NF1: variants seen among roughly 807,000 people sequenced by gnomAD.
The protein encoded by NF1 is neurofibromin.
A neutral mutation model predicts 325.7 loss-of-function variants in NF1; 122 were observed. That is an observed-to-expected ratio of 0.37 (90% CI 0.32 to 0.44). The LOEUF is 0.44. Ranked by LOEUF, NF1 falls within the 20% of genes least tolerant of loss-of-function variation. NF1 has a pLI of 1.00. For missense variants in NF1, 2,140 were observed against 3,415.4 expected, an observed-to-expected ratio of 0.63 and a Z score of 9.31; for synonymous variants, 1,091 against 1,186.0, an observed-to-expected ratio of 0.92 and a Z score of 1.65.
chr17:31,149,415 C>T (rs553743765), intron 1 of NF1, among the ~76,000 whole-genome samples: 1 of 152,246 alleles, frequency 6.6e-6, no homozygotes, highest in African/African-American at 2.4e-5. Context: ...TATCATGCCT[C>T]AGCCTCCCAA....
intron 36 of NF1, among the ~76,000 whole-genome samples, chr17:31,302,465 A>G (rs752677609): frequency 6.6e-6 from 1 of 152,178 alleles, no homozygotes; most frequent in African/African-American, 2.4e-5. Context: ...TATCTTATTT[A>G]CCATAACAAA....
At chr17:31,257,949 C>T (rs955455494) in intron 31 of NF1, among the ~76,000 whole-genome samples, 4 of 152,034 alleles carry the variant, frequency 2.6e-5, no homozygotes, top group African/African-American at 9.7e-5. Context: ...TTTAGTTTCA[C>T]GTTATAAAGT....
intron 36 of NF1, among the ~76,000 whole-genome samples, chr17:31,290,724 G>T (rs1224046618): frequency 6.6e-6 from 1 of 152,020 alleles, no homozygotes; most frequent in Non-Finnish European, 1.5e-5. Flanking sequence ...AGCTAATATC[G>T]GCCGGGCACG....
rs778635411 is a variant in NF1, at chr17:31,260,356, T to G, written c.4431-13T>G. The G allele has an allele frequency of 5.0e-6, 8 of 1,613,306 alleles. No homozygotes were observed. In the South Asian group the frequency reaches 8.8e-5, roughly 18 times the overall value. ...CTGGTGTTGAAAATTCTAATGACTT[T>G]GCATTTTTGAAGGTTTTTCCTTGAT... On this transcript the variant is annotated splice_polypyrimidine_tract_variant and intron_variant, in intron 33 of 57. Coordinates refer to ENST00000358273, the MANE Select transcript of NF1 (RefSeq NM_001042492.3).
At chr17:31,327,149 A>G (rs551800754) in intron 37 of NF1, among the ~76,000 whole-genome samples, 1 of 152,166 alleles carries the variant, frequency 6.6e-6, no homozygotes, top group East Asian at 1.9e-4. Flanking sequence ...TTGTAGGTTT[A>G]GTAGAGACAA....
chr17:31,281,621 CTT>C (rs2068119881), intron 36 of NF1, among the ~76,000 whole-genome samples: 1 of 152,138 alleles, frequency 6.6e-6, no homozygotes, highest in South Asian at 2.1e-4. Flanking sequence ...TTTGCATACT[CTT>C]TTCCACCTGG....
chr17:31,356,796 A>G (rs1464049048), intron 52 of NF1, 164 bp from the exon 53 acceptor site: 1 of 1,196,582 alleles, frequency 8.4e-7, no homozygotes, highest in Non-Finnish European at 1.2e-6. Flanking sequence ...GTAAATAGGT[A>G]GCCAAAACTT....
rs1207255352 is a variant in NF1 at position 31,249,078 on chromosome 17, T to A, written c.4069T>A (p.Phe1357Ile). Residue 1357 changes from phenylalanine to isoleucine, a missense_variant, in exon 30 of 58, where the codon TTC (phenylalanine) becomes ATC (isoleucine). Transcript: ENST00000358273. Reference sequence around the variant, plus strand: ...TGCCATCATCAGTTCCTCCTCAGAATTCCCCCCTCAACTTCGAAGTGTGTG... The same window carrying A: ...TGCCATCATCAGTTCCTCCTCAGAAATCCCCCCTCAACTTCGAAGTGTGTG... ...FHAIISSSSE[F>I]PPQLRSVCHC... 6.2e-7 allele frequency: 1 copy of A among 1,614,152 alleles called. No individual in the cohort carries two copies. Among genetic ancestry groups the A allele is most frequent in the Non-Finnish European group, 8.5e-7 (1 of 1,180,004 alleles).
At chr17:31,108,600 T>C (rs1255338973) in intron 1 of NF1, among the ~76,000 whole-genome samples, 1 of 152,200 alleles carries the variant, frequency 6.6e-6, no homozygotes, top group Non-Finnish European at 1.5e-5. Context: ...AAATTAATCC[T>C]TTTGTATCCA....
At chr17:31,357,982 T>C in intron 54 of NF1, 1 of 168,116 alleles carries the variant, frequency 5.9e-6, no homozygotes, top group Non-Finnish European at 1.3e-5. Flanking sequence ...TTGGATCATG[T>C]ATTTCACTCC....
chr17:31,221,771 A>G (rs867932183), intron 14 of NF1, 79 bp from the exon 15 acceptor site: 8 of 933,608 alleles, frequency 8.6e-6, no homozygotes, highest in Middle Eastern at 3.2e-4. Context: ...CATTTATAAA[A>G]TAAGTACTCC....
chr17:31,292,984 C>G (rs935379037), intron 36 of NF1, among the ~76,000 whole-genome samples: 14 of 151,672 alleles, frequency 9.2e-5, no homozygotes, highest in African/African-American at 3.4e-4. Context: ...TTGAGACCAG[C>G]CTGGCCAACA....
rs558196833 is a variant in NF1 at position 31,263,169 on chromosome 17, A to G, written c.4724+1312A>G. Among the ~76,000 whole-genome samples the G allele has an allele frequency of 2.6e-3, 393 of 151,978 alleles. 4 individuals are homozygous for G. Among genetic ancestry groups the G allele is most frequent in the African/African-American group, 8.9e-3 (370 of 41,412 alleles). ...TAGATAAGATAGATAGATTGGGCAC[A>G]GTGGCTCATGCCTGTAATCCCAGCA... On this transcript the variant is annotated intron_variant, in intron 35 of 57. Coordinates refer to ENST00000358273, the MANE Select transcript of NF1 (RefSeq NM_001042492.3).
rs570276300 is a variant in NF1, at chr17:31,145,975, G to A, written c.61-10008G>A. On this transcript the variant is annotated intron_variant, in intron 1 of 57. Coordinates refer to ENST00000358273, the MANE Select transcript of NF1 (RefSeq NM_001042492.3). ...ATTTGGATAACACATCTGAAGCTCA[G>A]GAGAGAAGTTTCCATTACAGATTCA... 2.5e-4 allele frequency among the ~76,000 whole-genome samples: 38 copies of A among 152,296 alleles called. 2 individuals carry two copies. The South Asian group carries it at 7.3e-3, about 29-fold the overall frequency.
intron 1 of NF1, among the ~76,000 whole-genome samples, chr17:31,132,533 T>A (rs1476246751): frequency 6.6e-6 from 1 of 151,954 alleles, no homozygotes; most frequent in Admixed American, 6.6e-5. Context: ...GAGCAAGACT[T>A]CATCTCAAAA....
intron 36 of NF1, among the ~76,000 whole-genome samples, chr17:31,278,616 A>T (rs1425485447): frequency 3.3e-5 from 4 of 122,096 alleles, no homozygotes; most frequent in Admixed American, 9.2e-5. Context: ...TTATTTTTTT[A>T]TTATTTTTTT....
Position 31,236,002 on chromosome 17 carries a change from T to C in NF1, c.3955T>C (p.Phe1319Leu), listed in dbSNP as rs755665232. 6 of 1,613,918 alleles carry C rather than the reference T, an allele frequency of 3.7e-6. No homozygotes were observed. In the South Asian group the frequency reaches 6.6e-5, roughly 18 times the overall value. Reference protein sequence around the residue: ...ITSSDWQHVSFEVDPTRLEPS... With the variant: ...ITSSDWQHVSLEVDPTRLEPS... Reference sequence around the variant, plus strand: ...ATCCTCTGATTGGCAACATGTTAGCTTTGAAGTGGATCCTACCAGGTTTGT... The same window carrying C: ...ATCCTCTGATTGGCAACATGTTAGCCTTGAAGTGGATCCTACCAGGTTTGT... The change falls in exon 29 of 58, where the codon TTT (phenylalanine) becomes CTT (leucine). Residue 1319 changes from phenylalanine (F) to leucine (L), a missense_variant. Physicochemically the swap from Phe to Leu is conservative, Grantham distance 22 (BLOSUM62 0). This residue lies in a region of NF1 where 336 missense variants were observed against 399.0 expected (regional missense o/e 0.84). Transcript: ENST00000358273.
At chr17:31,345,456 G>A (rs1261888571) in intron 48 of NF1, 8 of 1,403,652 alleles carry the variant, frequency 5.7e-6, no homozygotes, top group South Asian at 4.5e-5. Context: ...CAAAGTTCCC[G>A]GGGCTCCCTC....
At chr17:31,337,336 C>G (rs370220255) in intron 42 of NF1, 32 bp from the exon 43 acceptor site, 1 of 1,515,932 alleles carries the variant, frequency 6.6e-7, no homozygotes, top group Non-Finnish European at 9.1e-7. Context: ...GTAATATTTT[C>G]TGTCTTTACT....
Sources: gnomAD v4.1 joint callset for allele counts (sites outside exome capture counted in the v4.1 genomes callset) on GRCh38, gnomAD v4.1.1 for gene constraint, gnomAD v4.1.1 regional missense constraint, MANE v1.5 for transcripts, NCBI Gene and HGNC (gene_info 2026-07-23, HGNC 2026-07-21) for gene names.